MIGA1: variants seen among roughly 807,000 people sequenced by gnomAD.
MIGA1 encodes family with sequence similarity 73, member A.
A neutral mutation model predicts 82.0 loss-of-function variants in MIGA1; 58 were observed. The ratio of observed to expected loss-of-function variants is 0.71; its 90% CI spans 0.57 to 0.88. MIGA1 has a LOEUF of 0.88. MIGA1 is among the 40% of genes least tolerant of loss of function. The probability of loss-of-function intolerance (pLI) is 0.00; values close to 1 mark genes in which losing one functional copy is unlikely to be tolerated. For synonymous variants in MIGA1, 249 were observed against 253.6 expected, an observed-to-expected ratio of 0.98 and a Z score of 0.17; for missense variants, 751 against 749.1, an observed-to-expected ratio of 1.00 and a Z score of -0.03.
chr1:77,834,376 A>G (rs954330683), intron 7 of MIGA1, among the ~76,000 whole-genome samples: 1 of 152,058 alleles, frequency 6.6e-6, no homozygotes, highest in African/African-American at 2.4e-5. Context: ...GGATTTCGGT[A>G]TGTTGCTTGG....
At chr1:77,802,467 C>A (rs996139493) in intron 3 of MIGA1, among the ~76,000 whole-genome samples, 2 of 152,162 alleles carry the variant, frequency 1.3e-5, no homozygotes, top group African/African-American at 4.8e-5. Context: ...CCAGGAACAT[C>A]TTAACTGCTG....
At chr1:77,792,688 C>A (rs573472616) in intron 2 of MIGA1, among the ~76,000 whole-genome samples, 17 of 151,532 alleles carry the variant, frequency 1.1e-4, no homozygotes, top group Non-Finnish European at 1.8e-4. Flanking sequence ...TGTTGAACAT[C>A]TTCTTGGGTT....
intron 11 of MIGA1, 71 bp downstream of exon 11, chr1:77,860,197 A>G: frequency 1.8e-6 from 2 of 1,109,644 alleles, no homozygotes; most frequent in South Asian, 1.5e-5. Flanking sequence ...CTGAAGATTA[A>G]GACATTAAAT....
At chr1:77,870,417 C>T (rs1685916642) in intron 14 of MIGA1, among the ~76,000 whole-genome samples, 5 of 116,418 alleles carry the variant, frequency 4.3e-5, no homozygotes, top group Non-Finnish European at 9.4e-5. Context: ...GGTTGCGGCC[C>T]AGCAGAGGCG....
chr1:77,806,358 T>C (rs1325167384), intron 4 of MIGA1, among the ~76,000 whole-genome samples: 1 of 152,220 alleles, frequency 6.6e-6, no homozygotes, highest in Non-Finnish European at 1.5e-5. Context: ...GATGTTGTTA[T>C]GTCGAAAGTG....
At chr1:77,822,196 TA>T (rs34393498) in intron 7 of MIGA1, among the ~76,000 whole-genome samples, 2 of 151,848 alleles carry the variant, frequency 1.3e-5, no homozygotes, top group East Asian at 1.9e-4. Flanking sequence ...ATAAAGCTGT[TA>T]AAAAAACACT....
chr1:77,833,566 G>T (rs950270507), intron 7 of MIGA1, among the ~76,000 whole-genome samples: 1 of 152,148 alleles, frequency 6.6e-6, no homozygotes, highest in African/African-American at 2.4e-5. Flanking sequence ...AGGCCTTTAT[G>T]TGATTTAGAC....
intron 7 of MIGA1, among the ~76,000 whole-genome samples, chr1:77,825,603 G>A (rs957142824): frequency 3.9e-5 from 6 of 152,274 alleles, no homozygotes; most frequent in East Asian, 1.9e-4. Context: ...GAGAAAGAAC[G>A]TGGAAGTTAT....
intron 7 of MIGA1, among the ~76,000 whole-genome samples, chr1:77,837,990 C>T (rs6666107): frequency 0.031 from 4,780 of 152,286 alleles, 87 homozygotes; most frequent in Middle Eastern, 0.071. Flanking sequence ...TAATGATTTA[C>T]AGCATCATTG....
intron 5 of MIGA1, chr1:77,811,567 A>C: frequency 6.2e-7 from 1 of 1,611,614 alleles, no homozygotes; most frequent in South Asian, 1.1e-5. Context: ...TGCACTTCGC[A>C]ATTCCAAGCA....
intron 7 of MIGA1, among the ~76,000 whole-genome samples, chr1:77,835,494 C>G (rs978630077): frequency 6.6e-6 from 1 of 152,016 alleles, no homozygotes; most frequent in Admixed American, 6.6e-5. Context: ...TGGTAATTTA[C>G]AGAGTATTTT....
At chr1:77,798,899 G>T (rs1327746375) in intron 2 of MIGA1, among the ~76,000 whole-genome samples, 1 of 152,098 alleles carries the variant, frequency 6.6e-6, no homozygotes, top group Non-Finnish European at 1.5e-5. Flanking sequence ...TTCCTAATTT[G>T]CTGGGAGTTT....
intron 2 of MIGA1, among the ~76,000 whole-genome samples, chr1:77,783,664 T>C (rs1414273221): frequency 1.3e-5 from 2 of 152,206 alleles, no homozygotes; most frequent in Non-Finnish European, 2.9e-5. Flanking sequence ...ATCCTTTAAA[T>C]TTTATTGTGG....
At chr1:77,849,563 A>G (rs577382479) in intron 8 of MIGA1, among the ~76,000 whole-genome samples, 1 of 152,328 alleles carries the variant, frequency 6.6e-6, no homozygotes, top group South Asian at 2.1e-4. Flanking sequence ...AATGTGAATC[A>G]TACATCTTGT....
Position 77,803,359 on chromosome 1 carries a change from G to A in MIGA1, c.463G>A (p.Gly155Arg), listed in dbSNP as rs755569290. Residue 155 changes from glycine to arginine, a missense_variant, in exon 4 of 16, where the codon GGA (glycine) becomes AGA (arginine). Coordinates refer to ENST00000370791, the MANE Select transcript of MIGA1 (RefSeq NM_198549.4). ...ATCTCAAGTTTGTAACTATGCTAAT[G>A]GAGGACTTTTCAGTAAATATTCAGG... 6.4e-7 allele frequency: 1 copy of A among 1,566,830 alleles called. No homozygotes were observed. Among genetic ancestry groups the A allele is most frequent in the Admixed American group, 1.8e-5 (1 of 54,916 alleles).
At chr1:77,807,648 A>G (rs549361310) in intron 5 of MIGA1, among the ~76,000 whole-genome samples, 19 of 152,328 alleles carry the variant, frequency 1.2e-4, no homozygotes, top group Admixed American at 5.2e-4. Flanking sequence ...GCTGAAATCA[A>G]TATGTCAGTA....
In MIGA1 at chr1:77,876,553, C is replaced by T. The variant is rs1274832725; in HGVS notation, c.*1489C>T. ...AAATTTAGTGTTATTTGAAGACTGT[C>T]AACATCTGAAGGTATGAAACTTGGT... On this transcript the variant is annotated 3_prime_UTR_variant, in exon 16 of 16. Coordinates refer to ENST00000370791, the MANE Select transcript of MIGA1 (RefSeq NM_198549.4). 1 of 152,174 alleles carries T rather than the reference C, an allele frequency of 6.6e-6. No homozygotes were observed. Among genetic ancestry groups the T allele is most frequent in the African/African-American group, 2.4e-5 (1 of 41,438 alleles). 9.4% of individuals were successfully genotyped at this position (152,174 alleles called of 1,614,324 possible). A position where few individuals can be genotyped will look rare whatever the true frequency, so the allele number is the denominator to read the frequency against.
intron 2 of MIGA1, among the ~76,000 whole-genome samples, chr1:77,789,202 T>C (rs1390697850): frequency 1.0e-5 from 1 of 99,924 alleles, no homozygotes; most frequent in Non-Finnish European, 1.8e-5. Flanking sequence ...GGGCGGTTGC[T>C]TTTTTTTTTT....
intron 8 of MIGA1, among the ~76,000 whole-genome samples, chr1:77,846,498 T>A (rs946217702): frequency 4.0e-5 from 6 of 151,848 alleles, no homozygotes; most frequent in Admixed American, 2.0e-4. Context: ...AAATTTTATT[T>A]AAAAAAATTT....
Sources: allele counts gnomAD v4.1 joint callset (sites outside exome capture counted in the v4.1 genomes callset), GRCh38; gene constraint gnomAD v4.1.1; transcripts MANE v1.5; gene names NCBI Gene and HGNC (gene_info 2026-07-23, HGNC 2026-07-21).